CD81: variants seen among roughly 807,000 people sequenced by gnomAD.
The protein encoded by CD81 is CD81 molecule.
CD81 carries 10 observed loss-of-function variants against 30.1 expected under a neutral mutation model. That is an observed-to-expected ratio of 0.33 (90% confidence interval 0.21 to 0.56). The LOEUF is 0.56. CD81 is among the 20% of genes least tolerant of loss of function. CD81 has a pLI of 0.89. For synonymous variants in CD81, 147 were observed against 126.4 expected (o/e 1.16, Z -1.10); for missense variants, 263 against 308.7 (o/e 0.85, Z 1.11).
Position 2,390,419 on chromosome 11 carries a change from G to T in CD81, c.74G>T (p.Gly25Val). Reference sequence around the variant, plus strand: ...GTTCCCGCTCTTTCCCAGCTGGCTGGAGGCGTGATCCTGGGTGTGGCCCTG... The same window carrying T: ...GTTCCCGCTCTTTCCCAGCTGGCTGTAGGCGTGATCCTGGGTGTGGCCCTG... ...FVFNFVFWLA[G>V]GVILGVALWL... Residue 25 changes from glycine (G) to valine (V), a missense_variant, in exon 2 of 8, where the codon GGA (glycine) becomes GTA (valine). By Grantham distance (109) the Gly-to-Val change is moderately radical. Transcript: ENST00000263645. 6.2e-7 allele frequency: 1 copy of T among 1,612,276 alleles called. No individual in the cohort carries two copies. The highest frequency in any genetic ancestry group is 8.5e-7 in the Non-Finnish European group (1 of 1,179,488).
intron 1 of CD81, chr11:2,386,057 G>A: frequency 1.4e-6 from 1 of 717,394 alleles, no homozygotes; most frequent in Non-Finnish European, 2.6e-6. Flanking sequence ...GCCTCCCCCA[G>A]CAGCATGTGG....
intron 3 of CD81, chr11:2,394,753 C>T (rs1001166448): frequency 4.8e-5 from 30 of 631,508 alleles, no homozygotes; most frequent in African/African-American, 2.2e-4. Context: ...AGCCTGGTGC[C>T]GCGTGGGGAC....
chr11:2,387,734 C>T (rs891482499), intron 1 of CD81, among the ~76,000 whole-genome samples: 7 of 152,312 alleles, frequency 4.6e-5, no homozygotes, highest in Non-Finnish European at 8.8e-5. Flanking sequence ...TGGCTTCCAG[C>T]GCTGCCCGCA....
intron 1 of CD81, chr11:2,379,269 G>T: frequency 2.2e-6 from 1 of 449,284 alleles, no homozygotes; most frequent in Non-Finnish European, 4.5e-6. Flanking sequence ...GGGGCTGAGG[G>T]AGGGTGTGGA....
In CD81 at chr11:2,386,924, G is replaced by T. The variant is rs375906924; in HGVS notation, c.67-3488G>T. 2.0e-5 allele frequency among the ~76,000 whole-genome samples: 3 copies of T among 152,384 alleles called. No individual in the cohort carries two copies. In the East Asian group the frequency reaches 5.8e-4, roughly 29 times the overall value. On this transcript the variant is annotated intron_variant, in intron 1 of 7. Transcript: ENST00000263645. ...CGGCAGAGGCCTGGGGCCGGGGCTT[G>T]TCTAGGGGCAGCCTCCCCATACGGC... is the stretch of plus-strand genomic sequence containing the variant.
chr11:2,394,282 G>A (rs1175568282), intron 3 of CD81, 90 bp downstream of exon 3: 3 of 839,732 alleles, frequency 3.6e-6, no homozygotes, highest in Non-Finnish European at 5.8e-6. Flanking sequence ...GGTGCTCAGG[G>A]CGGAGCCTAG....
chr11:2,386,976 C>G (rs1278302419), intron 1 of CD81, among the ~76,000 whole-genome samples: 1 of 152,244 alleles, frequency 6.6e-6, no homozygotes, highest in Non-Finnish European at 1.5e-5. Flanking sequence ...AAGCCCCTTC[C>G]CAGAGCACAG....
Position 2,377,637 on chromosome 11 carries a change from G to T in CD81, c.66+22G>T, listed in dbSNP as rs764174461. ...CTGGGTAAGGGCTGCGCCGGGGGCC[G>T]GGGCGGGAGGGGGCAGGCACACACT... On this transcript the variant is annotated intron_variant, in intron 1 of 7. Coordinates refer to ENST00000263645, the MANE Select transcript of CD81 (RefSeq NM_004356.4). The surrounding 1 kb of genome is among the most constrained non-coding windows in gnomAD (Gnocchi z 7.7). 1 of 1,472,194 alleles carries T rather than the reference G, an allele frequency of 6.8e-7. No individual in the cohort carries two copies. The highest frequency in any genetic ancestry group is 2.6e-5 in the East Asian group (1 of 38,072). The allele number at this position is 1,472,194 out of a possible 1,614,324, so 91.2% of individuals were successfully genotyped here. A position where few individuals can be genotyped will look rare whatever the true frequency, so the allele number is the denominator to read the frequency against.
At chr11:2,385,050 C>G (rs974297329) in intron 1 of CD81, among the ~76,000 whole-genome samples, 1 of 152,094 alleles carries the variant, frequency 6.6e-6, no homozygotes, top group African/African-American at 2.4e-5. Context: ...TTCGGTGTTT[C>G]CCATGCCGCT....
Position 2,396,915 on chromosome 11 carries a change from C to T in CD81, c.*49C>T, listed in dbSNP as rs1564996666. On this transcript the variant is annotated 3_prime_UTR_variant, in exon 8 of 8. Coordinates refer to ENST00000263645, the MANE Select transcript of CD81 (RefSeq NM_004356.4). ...GACCTCTGCAGTGCCCCCTAAGTGA[C>T]CCGGACACTTCCGAGGGGGCCATCA... The T allele has an allele frequency of 3.2e-6, 5 of 1,562,086 alleles. No homozygotes were observed. Among genetic ancestry groups the T allele is most frequent in the Non-Finnish European group, 1.8e-6 (2 of 1,136,244 alleles).
chr11:2,395,751 TG>T, intron 5 of CD81, 117 bp from the exon 6 acceptor site: 2 of 805,912 alleles, frequency 2.5e-6, no homozygotes, highest in Admixed American at 1.9e-5. Context: ...GGCTGGCCCC[TG>T]GATGCATTCT....
chr11:2,383,143 GGCGGCTTCCTCGGGGCCAGGGGCCCT>G (rs1849730984), intron 1 of CD81, among the ~76,000 whole-genome samples: 1 of 152,238 alleles, frequency 6.6e-6, no homozygotes, highest in Non-Finnish European at 1.5e-5. Flanking sequence ...TGCTGAGACA[GGCGGCTTCCTCGGGGCCAGGGGCCCT>G]GTGAGTGGAG....
At chr11:2,383,744 G>A (rs898936486) in intron 1 of CD81, among the ~76,000 whole-genome samples, 1 of 152,268 alleles carries the variant, frequency 6.6e-6, no homozygotes, top group Non-Finnish European at 1.5e-5. Flanking sequence ...TGCCCAGCCT[G>A]TACGTAAAGG....
rs543849513 is a variant in CD81, at chr11:2,395,239, C to T, written c.355-177C>T. On this transcript the variant is annotated intron_variant, in intron 4 of 7. Transcript: ENST00000263645. ...GGGGCTGAGCACCAGGCCAGCCTCC[C>T]GTGTCCCAGCACTCCCGGGGCAGCT... 842 of 727,376 alleles carry T rather than the reference C, an allele frequency of 1.2e-3. 3 individuals carry two copies. The highest frequency in any genetic ancestry group is 0.01 in the African/African-American group (585 of 57,500). The allele number at this position is 727,376 out of a possible 1,614,324, so 45.1% of individuals were successfully genotyped here.
upstream of CD81, among the ~76,000 whole-genome samples, chr11:2,376,525 G>T (rs564711904): frequency 4.6e-5 from 7 of 152,278 alleles, no homozygotes; most frequent in East Asian, 7.7e-4. Context: ...AGTGCAGCAG[G>T]CCTGGCCCCA....
At chr11:2,395,352 G>C in intron 4 of CD81, 64 bp from the exon 5 acceptor site, 30 of 1,328,960 alleles carry the variant, frequency 2.3e-5, no homozygotes, top group Non-Finnish European at 3.1e-5. Flanking sequence ...CGCCTGGGGC[G>C]GGGCGGGGTG....
intron 1 of CD81, among the ~76,000 whole-genome samples, chr11:2,380,575 G>A (rs1002550359): frequency 1.3e-5 from 2 of 152,164 alleles, no homozygotes; most frequent in East Asian, 1.9e-4. Flanking sequence ...CTGGGTGCGC[G>A]GCGGGCCCAA....
chr11:2,382,803 C>T (rs1225396252), intron 1 of CD81, among the ~76,000 whole-genome samples: 3 of 152,236 alleles, frequency 2.0e-5, no homozygotes, highest in Admixed American at 6.5e-5. Context: ...CCAGGACAGG[C>T]GAAGGACCCA....
At position 2,396,998 on chromosome 11, in the gene CD81, T is replaced by C. The variant is rs1161426886; in HGVS notation, c.*132T>C. The stretch of plus-strand genomic sequence containing the variant: ...CTGCTACACGTAGCCTTTTTACTTT[T>C]GGGGTTTTGTTTTTGTTCTGAACTT... On this transcript the variant is annotated 3_prime_UTR_variant, in exon 8 of 8. Transcript: ENST00000263645. 1 of 900,932 alleles carries C rather than the reference T, an allele frequency of 1.1e-6. No individual in the cohort carries two copies. The highest frequency in any genetic ancestry group is 2.6e-5 in the East Asian group (1 of 37,884). The allele number at this position is 900,932 out of a possible 1,614,324, so 55.8% of individuals were successfully genotyped here. A position where few individuals can be genotyped will look rare whatever the true frequency, so the allele number is the denominator to read the frequency against.
Sources: allele counts gnomAD v4.1 joint callset (sites outside exome capture counted in the v4.1 genomes callset), GRCh38; gene constraint gnomAD v4.1.1; non-coding constraint Gnocchi (gnomAD v3.1); transcripts MANE v1.5; gene names NCBI Gene and HGNC (gene_info 2026-07-23, HGNC 2026-07-21).